RNF111: variants seen among roughly 807,000 people sequenced by gnomAD.
RNF111 encodes E3 ubiquitin-protein ligase Arkadia.
Under a neutral mutation model 95.1 loss-of-function variants are expected in RNF111, and 17 were observed. That is an observed-to-expected ratio of 0.18 (90% confidence interval 0.12 to 0.27). The LOEUF is 0.27. Ranked by LOEUF, RNF111 falls within the 10% of genes least tolerant of loss-of-function variation. The pLI is 1.00. For synonymous variants in RNF111, 440 were observed against 414.8 expected, an observed-to-expected ratio of 1.06 and a Z score of -0.74; for missense variants, 1,189 against 1,210.4, an observed-to-expected ratio of 0.98 and a Z score of 0.26.
In RNF111 at chr15:59,074,023, G is replaced by T. The variant is rs1196548807; in HGVS notation, c.1687-1931G>T. 2.6e-5 allele frequency among the ~76,000 whole-genome samples: 4 copies of T among 152,192 alleles called. No individual in the cohort carries two copies. In the Middle Eastern group the frequency reaches 0.01, roughly 388 times the overall value. ...TTTCTTTTTTCTTTTTTGAGAAAAG[G>T]TCTCACTTTTGCCAAGCAGTAACAT... is the stretch of plus-strand genomic sequence containing the variant. On this transcript the variant is annotated intron_variant, in intron 6 of 13. Transcript: ENST00000348370.
At chr15:59,025,014 C>G (rs148841886) in intron 1 of RNF111, among the ~76,000 whole-genome samples, 77 of 152,318 alleles carry the variant, frequency 5.1e-4, no homozygotes, top group African/African-American at 1.8e-3. Context: ...CTTTTTAAGG[C>G]TGAATACTAT....
At chr15:59,076,579 G>T (rs560624283) in intron 7 of RNF111, among the ~76,000 whole-genome samples, 1 of 152,170 alleles carries the variant, frequency 6.6e-6, no homozygotes, top group East Asian at 1.9e-4. Flanking sequence ...TATAACCATG[G>T]TTGGGCATGA....
intron 1 of RNF111, among the ~76,000 whole-genome samples, chr15:58,993,494 C>T (rs2141370318): frequency 6.6e-6 from 1 of 152,306 alleles, no homozygotes; most frequent in South Asian, 2.1e-4. Flanking sequence ...GCTGAGATTG[C>T]ACCACTGCAC....
intron 1 of RNF111, among the ~76,000 whole-genome samples, chr15:59,010,664 A>G (rs908906420): frequency 2.0e-5 from 3 of 152,116 alleles, no homozygotes; most frequent in African/African-American, 2.4e-5. Flanking sequence ...GGCCTCCCAG[A>G]GTGTTGGGAT....
intron 1 of RNF111, among the ~76,000 whole-genome samples, chr15:59,021,055 A>G (rs1596104344): frequency 1.3e-5 from 2 of 152,084 alleles, no homozygotes; most frequent in African/African-American, 4.8e-5. Flanking sequence ...GTAGTCTTTT[A>G]TCCCTGACCT....
intron 2 of RNF111, among the ~76,000 whole-genome samples, chr15:59,039,455 A>G (rs1037231651): frequency 6.6e-6 from 1 of 152,198 alleles, no homozygotes; most frequent in African/African-American, 2.4e-5. Context: ...CAGCATCCAA[A>G]GAGGTTTTTT....
rs79870691 is a variant in RNF111 at position 59,018,403 on chromosome 15, G to C, written c.-19-12401G>C. 7.5e-3 allele frequency among the ~76,000 whole-genome samples: 1,136 copies of C among 152,130 alleles called. 7 individuals carry two copies. The highest frequency in any genetic ancestry group is 0.026 in the African/African-American group (1,082 of 41,506). ...TAGCCAAGATTCCTGTAAAAATTGT[G>C]CTTGCATATATTTGATTTGTTTGTG... On this transcript the variant is annotated intron_variant, in intron 1 of 13. Transcript: ENST00000348370.
In RNF111 at chr15:59,017,880, C is replaced by T. The variant is rs554225474; in HGVS notation, c.-19-12924C>T. On this transcript the variant is annotated intron_variant, in intron 1 of 13. Coordinates refer to ENST00000348370, the MANE Select transcript of RNF111 (RefSeq NM_017610.8). ...TCAAACGATTCTCCTGCTTCAGCCT[C>T]CCGAGTAGCTGGGATTACAGGCGCC... Among the ~76,000 whole-genome samples the T allele has an allele frequency of 2.1e-4, 31 of 151,206 alleles. 2 individuals carry two copies. In the East Asian group the frequency reaches 6.0e-3, roughly 29 times the overall value.
chr15:59,026,531 T>G (rs1393357363), intron 1 of RNF111, among the ~76,000 whole-genome samples: 3 of 152,210 alleles, frequency 2.0e-5, no homozygotes, highest in Non-Finnish European at 4.4e-5. Flanking sequence ...CCTTTGTAAA[T>G]TAGATCAGCC....
chr15:59,028,194 T>C (rs925029484), intron 1 of RNF111, among the ~76,000 whole-genome samples: 1 of 152,190 alleles, frequency 6.6e-6, no homozygotes, highest in Admixed American at 6.5e-5. Context: ...ATTCTATCTA[T>C]GTAGATTTGC....
intron 1 of RNF111, among the ~76,000 whole-genome samples, chr15:59,001,608 G>A (rs370580414): frequency 6.6e-5 from 10 of 152,118 alleles, no homozygotes; most frequent in African/African-American, 2.4e-4. Context: ...CACATTTGGC[G>A]AATAGGTTCA....
In RNF111 at chr15:59,013,374, C is replaced by A. The variant is rs576049664; in HGVS notation, c.-19-17430C>A. Among the ~76,000 whole-genome samples the A allele has an allele frequency of 3.9e-5, 6 of 152,288 alleles. No homozygotes were observed. In the East Asian group the frequency reaches 1.2e-3, roughly 29 times the overall value. On this transcript the variant is annotated intron_variant, in intron 1 of 13. Transcript: ENST00000348370. ...TCCAGATAATATTTCATTGTAGACT[C>A]TGGTTTCACAGTTTCTCAGTCTTCC...
chr15:59,041,798 A>C (rs2041463738), intron 2 of RNF111, among the ~76,000 whole-genome samples: 1 of 152,030 alleles, frequency 6.6e-6, no homozygotes, highest in Non-Finnish European at 1.5e-5. Context: ...ATGTTGTCAG[A>C]TTTTAGGGGG....
At chr15:59,065,018 T>C (rs944379951) in intron 5 of RNF111, among the ~76,000 whole-genome samples, 27 of 152,162 alleles carry the variant, frequency 1.8e-4, no homozygotes, top group African/African-American at 5.8e-4. Context: ...AAGCAGAAGA[T>C]TCCTAATTGA....
intron 7 of RNF111, among the ~76,000 whole-genome samples, chr15:59,076,473 A>G (rs554395938): frequency 6.6e-6 from 1 of 152,300 alleles, no homozygotes; most frequent in Admixed American, 6.5e-5. Context: ...AGTAAAGTAA[A>G]TTTTTAAGAA....
chr15:59,014,251 A>G (rs2039964463), intron 1 of RNF111, among the ~76,000 whole-genome samples: 1 of 152,128 alleles, frequency 6.6e-6, no homozygotes, highest in African/African-American at 2.4e-5. Context: ...GCACTACCAG[A>G]TGCTACAGGC....
chr15:59,000,608 G>T (rs1294072342), intron 1 of RNF111, among the ~76,000 whole-genome samples: 3 of 151,654 alleles, frequency 2.0e-5, no homozygotes, highest in Non-Finnish European at 4.4e-5. Flanking sequence ...TATTCGGGAG[G>T]CTGAGGCACG....
intron 1 of RNF111, among the ~76,000 whole-genome samples, chr15:59,017,999 C>A (rs1411029846): frequency 6.6e-6 from 1 of 151,876 alleles, no homozygotes; most frequent in Non-Finnish European, 1.5e-5. Context: ...CCTCAGGTGA[C>A]CCACCTGCCT....
At chr15:59,007,215 CTCCT>C (rs1221274136) in intron 1 of RNF111, among the ~76,000 whole-genome samples, 1 of 152,072 alleles carries the variant, frequency 6.6e-6, no homozygotes, top group Non-Finnish European at 1.5e-5. Flanking sequence ...AAGTTACATG[CTCCT>C]TCCTTGTCAG....
Sources: gnomAD v4.1 joint callset for allele counts (sites outside exome capture counted in the v4.1 genomes callset) on GRCh38, gnomAD v4.1.1 for gene constraint, MANE v1.5 for transcripts, NCBI Gene and HGNC (gene_info 2026-07-23, HGNC 2026-07-21) for gene names.